GALNT13: variants seen among roughly 807,000 people sequenced by gnomAD.
The protein encoded by GALNT13 is polypeptide N-acetylgalactosaminyltransferase 13.
A neutral mutation model predicts 64.2 loss-of-function variants in GALNT13; 28 were observed. That is an observed-to-expected ratio of 0.44 (90% CI 0.32 to 0.60). The LOEUF (loss-of-function observed/expected upper bound fraction) is 0.60, where lower values mean the gene tolerates loss of function less well. Among genes scored for constraint, GALNT13 ranks in the 20% least tolerant of loss-of-function variants. The pLI, the probability that GALNT13 is intolerant of heterozygous loss-of-function variation, is 0.05. For missense variants in GALNT13, 577 were observed against 669.8 expected (o/e 0.86, Z 1.53); for synonymous variants, 214 against 224.6 (o/e 0.95, Z 0.42).
chr2:154,119,503 T>C (rs1187896086), intron 3 of GALNT13, among the ~76,000 whole-genome samples: 1 of 152,196 alleles, frequency 6.6e-6, no homozygotes, highest in Non-Finnish European at 1.5e-5. Flanking sequence ...ATTATTTCTC[T>C]AAATATGATT....
the GALNT13 span, among the ~76,000 whole-genome samples, chr2:153,665,901 A>G: frequency 1.2e-4 from 18 of 152,090 alleles, no homozygotes; most frequent in African/African-American, 3.9e-4. Context: ...GGTTTGGTGC[A>G]GGCGTGGCTG....
At chr2:153,122,168 A>G in the GALNT13 span, among the ~76,000 whole-genome samples, 1 of 152,058 alleles carries the variant, frequency 6.6e-6, no homozygotes, top group Admixed American at 6.6e-5. Flanking sequence ...CTTAAATTAT[A>G]GTTCCTCTAG....
chr2:154,122,259 ATAAAT>A (rs1681990421), intron 3 of GALNT13, among the ~76,000 whole-genome samples: 1 of 151,942 alleles, frequency 6.6e-6, no homozygotes, highest in African/African-American at 2.4e-5. Flanking sequence ...TTTATTATAA[ATAAAT>A]TTAAGTAATC....
At chr2:154,434,739 A>G (rs952393814) in intron 11 of GALNT13, among the ~76,000 whole-genome samples, 1 of 152,164 alleles carries the variant, frequency 6.6e-6, no homozygotes, top group African/African-American at 2.4e-5. Context: ...TTGAGACAAC[A>G]TGAACATTAA....
chr2:154,169,937 G>T (rs1685261493), intron 4 of GALNT13, among the ~76,000 whole-genome samples: 1 of 151,988 alleles, frequency 6.6e-6, no homozygotes, highest in African/African-American at 2.4e-5. Flanking sequence ...AGAGTTCTAG[G>T]GAGCAGAAGC....
At chr2:153,471,148 G>A in the GALNT13 span, among the ~76,000 whole-genome samples, 5 of 152,112 alleles carry the variant, frequency 3.3e-5, no homozygotes, top group African/African-American at 4.8e-5. Flanking sequence ...GGAGAAACCA[G>A]GAGAGTGTGT....
chr2:154,295,124 T>C (rs1474328076), intron 8 of GALNT13, among the ~76,000 whole-genome samples: 1 of 152,110 alleles, frequency 6.6e-6, no homozygotes, highest in Non-Finnish European at 1.5e-5. Flanking sequence ...TGCTAATCCA[T>C]ATTTATAGAA....
chr2:154,324,085 C>T (rs1694755937), intron 9 of GALNT13, among the ~76,000 whole-genome samples: 1 of 151,852 alleles, frequency 6.6e-6, no homozygotes, highest in South Asian at 2.1e-4. Flanking sequence ...AATCTTAGTC[C>T]CATCCTATCT....
the GALNT13 span, among the ~76,000 whole-genome samples, chr2:153,346,799 G>A: frequency 7.9e-5 from 12 of 152,150 alleles, no homozygotes; most frequent in African/African-American, 1.2e-4. Context: ...ATGTTAAACC[G>A]TTTATATGCA....
the GALNT13 span, among the ~76,000 whole-genome samples, chr2:153,413,619 T>G: frequency 6.6e-6 from 1 of 152,192 alleles, no homozygotes; most frequent in Non-Finnish European, 1.5e-5. Context: ...TTCTATTGAG[T>G]CCATGTAAAA....
chr2:153,395,693 T>C, the GALNT13 span, among the ~76,000 whole-genome samples: 1 of 152,094 alleles, frequency 6.6e-6, no homozygotes, highest in Non-Finnish European at 1.5e-5. Context: ...ATGTTTGTCT[T>C]AGTTGAAAAT....
At chr2:153,310,948 A>G in the GALNT13 span, among the ~76,000 whole-genome samples, 22 of 152,192 alleles carry the variant, frequency 1.4e-4, no homozygotes, top group Non-Finnish European at 2.6e-4. Flanking sequence ...GGGATGTTAC[A>G]TTGTTTGGCA....
chr2:153,405,543 C>G, the GALNT13 span, among the ~76,000 whole-genome samples: 1 of 152,124 alleles, frequency 6.6e-6, no homozygotes, highest in African/African-American at 2.4e-5. Context: ...ATTTTCCACG[C>G]AATTATCATT....
intron 4 of GALNT13, among the ~76,000 whole-genome samples, chr2:154,198,371 G>A (rs1209004544): frequency 6.6e-6 from 1 of 151,686 alleles, no homozygotes; most frequent in African/African-American, 2.4e-5. Context: ...GTTTTGTTTT[G>A]TTTTTGCTTG....
At chr2:153,903,622 G>T (rs1688374834) in intron 2 of GALNT13, among the ~76,000 whole-genome samples, 1 of 151,914 alleles carries the variant, frequency 6.6e-6, no homozygotes, top group Non-Finnish European at 1.5e-5. Flanking sequence ...TAATAGTACT[G>T]TGTCTTCTGG....
chr2:153,588,137 C>A, the GALNT13 span, among the ~76,000 whole-genome samples: 1 of 152,286 alleles, frequency 6.6e-6, no homozygotes, highest in South Asian at 2.1e-4. Flanking sequence ...GTACAGCCTC[C>A]CTCCCAGCTG....
chr2:153,541,995 G>A, the GALNT13 span, among the ~76,000 whole-genome samples: 29 of 152,214 alleles, frequency 1.9e-4, no homozygotes, highest in African/African-American at 6.3e-4. Context: ...TCTTGGCCCT[G>A]ACAAGTTGCA....
chr2:154,079,121 C>T (rs1701139410), intron 3 of GALNT13, among the ~76,000 whole-genome samples: 1 of 151,514 alleles, frequency 6.6e-6, no homozygotes. Flanking sequence ...GGCAGCTCTA[C>T]TGGTATATGG....
At chr2:153,831,053 T>C in the GALNT13 span, among the ~76,000 whole-genome samples, 2 of 152,214 alleles carry the variant, frequency 1.3e-5, no homozygotes, top group Non-Finnish European at 2.9e-5. Flanking sequence ...TTTAAAGACA[T>C]GATAGAGTCT....
Sources: gnomAD v4.1 joint callset for allele counts (sites outside exome capture counted in the v4.1 genomes callset) on GRCh38, gnomAD v4.1.1 for gene constraint, MANE v1.5 for transcripts, NCBI Gene and HGNC (gene_info 2026-07-23, HGNC 2026-07-21) for gene names.